The following CSMD1 variants were observed in gnomAD, a reference collection of about 807,000 sequenced individuals.
CSMD1 encodes CUB and Sushi multiple domains 1, also known as CUB and sushi domain-containing protein 1.
A neutral mutation model predicts 417.5 loss-of-function variants in CSMD1; 213 were observed. The ratio of observed to expected loss-of-function variants is 0.51; its 90% CI spans 0.46 to 0.57. CSMD1 has a LOEUF of 0.57. Ranked by LOEUF, CSMD1 falls within the 20% of genes least tolerant of loss-of-function variation. CSMD1 has a pLI of 0.00. For missense variants in CSMD1, 6,923 were observed against 4,529.7 expected (o/e 1.53, Z -15.17); for synonymous variants, 2,862 against 1,736.8 (o/e 1.65, Z -16.11).
intron 23 of CSMD1, among the ~76,000 whole-genome samples, chr8:3,336,948 T>C (rs535951455): frequency 6.6e-6 from 1 of 152,268 alleles, no homozygotes; most frequent in South Asian, 2.1e-4. Flanking sequence ...AAAAGTCAGT[T>C]AGTTCTAGGA....
chr8:3,411,276 T>G (rs191876059), intron 12 of CSMD1, among the ~76,000 whole-genome samples: 1 of 152,198 alleles, frequency 6.6e-6, no homozygotes, highest in Non-Finnish European at 1.5e-5. Context: ...TTTAGAATTC[T>G]TCATGGGCTT....
intron 49 of CSMD1, among the ~76,000 whole-genome samples, chr8:3,056,587 C>A (rs1394164497): frequency 6.6e-6 from 1 of 152,072 alleles, no homozygotes; most frequent in African/African-American, 2.4e-5. Flanking sequence ...CCAGAATGGT[C>A]TTGAACTCCT....
intron 12 of CSMD1, among the ~76,000 whole-genome samples, chr8:3,418,870 A>G (rs748046609): frequency 2.1e-4 from 32 of 152,232 alleles, no homozygotes; most frequent in Non-Finnish European, 3.8e-4. Flanking sequence ...TCTTTTAAAG[A>G]CATAGAAAAC....
chr8:4,875,097 G>A (rs1348566541), intron 1 of CSMD1, among the ~76,000 whole-genome samples: 1 of 149,172 alleles, frequency 6.7e-6, no homozygotes, highest in African/African-American at 2.5e-5. Flanking sequence ...CTGGTATTTG[G>A]AATTCAGAGT....
intron 3 of CSMD1, among the ~76,000 whole-genome samples, chr8:4,094,958 T>C (rs1432872873): frequency 2.0e-5 from 3 of 152,184 alleles, no homozygotes; most frequent in Admixed American, 2.0e-4. Context: ...GGGGAGATAG[T>C]GAATAAAGTA....
chr8:3,577,363 C>T (rs1800194275), intron 9 of CSMD1, among the ~76,000 whole-genome samples: 1 of 152,212 alleles, frequency 6.6e-6, no homozygotes, highest in African/African-American at 2.4e-5. Context: ...CCAGTTCCTT[C>T]AGAGACATTC....
In CSMD1 at chr8:4,637,811, C is replaced by T. The variant is rs1585372377; in HGVS notation, c.86-253G>A. 2.0e-5 allele frequency among the ~76,000 whole-genome samples: 3 copies of T among 151,938 alleles called. No individual in the cohort carries two copies. The East Asian group carries it at 5.9e-4, about 30-fold the overall frequency. The stretch of plus-strand genomic sequence containing the variant: ...TCAGCCTCCCGAGTAGGTGGGACTA[C>T]AGGCGCCCGCCACCGCGCCCGGCTA... On this transcript the variant is annotated intron_variant, in intron 1 of 69. Coordinates refer to ENST00000635120, the MANE Select transcript of CSMD1 (RefSeq NM_033225.6).
intron 1 of CSMD1, among the ~76,000 whole-genome samples, chr8:4,819,538 G>C (rs965584838): frequency 1.3e-5 from 2 of 152,088 alleles, no homozygotes; most frequent in East Asian, 1.9e-4. Flanking sequence ...CCTTGTGTTA[G>C]AATCTCAAAT....
intron 54 of CSMD1, among the ~76,000 whole-genome samples, chr8:2,979,227 C>T (rs1404955640): frequency 1.3e-5 from 2 of 152,254 alleles, no homozygotes; most frequent in African/African-American, 4.8e-5. Context: ...CACCTACTTG[C>T]ATTAGTGCTT....
At chr8:4,487,320 C>G (rs545584430) in intron 2 of CSMD1, among the ~76,000 whole-genome samples, 149 of 152,256 alleles carry the variant, frequency 9.8e-4, no homozygotes, top group South Asian at 2.1e-3. Context: ...TATCCCTCCC[C>G]TCTCCCCACA....
chr8:3,796,417 ATC>A (rs1800145676), intron 5 of CSMD1, among the ~76,000 whole-genome samples: 1 of 108,872 alleles, frequency 9.2e-6, no homozygotes. Flanking sequence ...ATATATATCT[ATC>A]ATGTATAGAT....
chr8:3,633,553 G>A (rs534911758), intron 7 of CSMD1, among the ~76,000 whole-genome samples: 45 of 152,266 alleles, frequency 3.0e-4, no homozygotes, highest in African/African-American at 9.9e-4. Context: ...GTGCACGCAC[G>A]TCAAAAGTTC....
In CSMD1 at chr8:3,367,228, G is replaced by A. The variant is rs1395069266; in HGVS notation, c.2919C>T (p.His973=). 6.2e-7 allele frequency: 1 copy of A among 1,612,264 alleles called. No homozygotes were observed. The highest frequency in any genetic ancestry group is 1.1e-5 in the South Asian group (1 of 90,774). The part of the protein sequence containing the change: ...SHGKGVQMIF[H]TFHLESSHDY... ...CGTGGGAACTCTCAAGATGAAAGGT[G>A]TGAAAGATCATTTGAACTCCTGAGA... is the stretch of plus-strand genomic sequence containing the variant. Residue 973 remains histidine (H), a synonymous_variant, in exon 20 of 70, where the codon CAC becomes CAT. Transcript: ENST00000635120.
intron 5 of CSMD1, among the ~76,000 whole-genome samples, chr8:3,809,005 A>T (rs952694366): frequency 1.3e-5 from 2 of 152,164 alleles, no homozygotes; most frequent in African/African-American, 4.8e-5. Context: ...CATGACATGG[A>T]TGATTCAAGG....
At chr8:3,715,947 G>A (rs911402071) in intron 6 of CSMD1, among the ~76,000 whole-genome samples, 7 of 152,194 alleles carry the variant, frequency 4.6e-5, no homozygotes, top group South Asian at 4.1e-4. Context: ...GGACATGATG[G>A]AGGAAACCCC....
At chr8:3,395,709 A>C (rs141404855) in intron 17 of CSMD1, among the ~76,000 whole-genome samples, 19 of 152,282 alleles carry the variant, frequency 1.2e-4, no homozygotes, top group African/African-American at 4.6e-4. Flanking sequence ...AGCAGGTTTT[A>C]ATTCCTTCGC....
chr8:4,485,140 G>A (rs2130160899), intron 2 of CSMD1, among the ~76,000 whole-genome samples: 1 of 152,128 alleles, frequency 6.6e-6, no homozygotes, highest in South Asian at 2.1e-4. Context: ...CTTCGGCATA[G>A]GCTGTATGCA....
chr8:3,630,487 T>A (rs75623369), intron 7 of CSMD1, among the ~76,000 whole-genome samples: 4 of 152,042 alleles, frequency 2.6e-5, no homozygotes, highest in Non-Finnish European at 4.4e-5. Context: ...GATGCTTAGA[T>A]GAGAAGGTCC....
At chr8:4,640,284 G>A (rs950225226) in intron 1 of CSMD1, among the ~76,000 whole-genome samples, 44 of 152,294 alleles carry the variant, frequency 2.9e-4, no homozygotes, top group East Asian at 9.7e-4. Flanking sequence ...GAATATCATC[G>A]TTGGCTGTCC....
Sources: gnomAD v4.1 joint callset for allele counts (sites outside exome capture counted in the v4.1 genomes callset) on GRCh38, gnomAD v4.1.1 for gene constraint, MANE v1.5 for transcripts, NCBI Gene and HGNC (gene_info 2026-07-23, HGNC 2026-07-21) for gene names.